The following ZSWIM6 variants were observed in gnomAD, a reference collection of about 807,000 sequenced individuals.
ZSWIM6 encodes the protein zinc finger SWIM-type containing 6.
Under a neutral mutation model 113.2 loss-of-function variants are expected in ZSWIM6, and 9 were observed. The ratio of observed to expected loss-of-function variants is 0.08; its 90% confidence interval spans 0.05 to 0.14. The LOEUF is 0.14. Ranked by LOEUF, ZSWIM6 falls within the 10% of genes least tolerant of loss-of-function variation. The pLI is 1.00. For synonymous variants in ZSWIM6, 611 were observed against 606.5 expected (o/e 1.01, Z -0.11); for missense variants, 1,162 against 1,552.2 (o/e 0.75, Z 4.22).
intron 1 of ZSWIM6, among the ~76,000 whole-genome samples, chr5:61,410,607 G>A (rs1009463376): frequency 1.3e-5 from 2 of 151,948 alleles, no homozygotes; most frequent in African/African-American, 4.8e-5. Context: ...CGTGCCCGGC[G>A]ATTTATTTCC....
At chr5:61,434,362 G>T (rs986225090) in intron 1 of ZSWIM6, among the ~76,000 whole-genome samples, 4 of 151,638 alleles carry the variant, frequency 2.6e-5, no homozygotes, top group African/African-American at 9.7e-5. Flanking sequence ...AAGTTCTTTA[G>T]TGGTGATTTC....
At chr5:61,397,278 T>C (rs1204183938) in intron 1 of ZSWIM6, among the ~76,000 whole-genome samples, 1 of 152,252 alleles carries the variant, frequency 6.6e-6, no homozygotes, top group Admixed American at 6.5e-5. Context: ...AATGTTTTTA[T>C]GTAATCAAAA....
At chr5:61,506,353 C>T (rs867890829) in intron 4 of ZSWIM6, among the ~76,000 whole-genome samples, 14 of 152,108 alleles carry the variant, frequency 9.2e-5, no homozygotes, top group African/African-American at 3.1e-4. Context: ...GAGGCCGAGG[C>T]GGGTGGATTA....
At chr5:61,332,988 C>T (rs1337485216) in intron 1 of ZSWIM6, 40 bp downstream of exon 1, 32 of 1,055,700 alleles carry the variant, frequency 3.0e-5, no homozygotes, top group Non-Finnish European at 3.4e-5. Context: ...GTCCGTCCGT[C>T]AGTCCCTGGG....
At chr5:61,473,154 G>T in intron 2 of ZSWIM6, 117 bp downstream of exon 2, 1 of 639,772 alleles carries the variant, frequency 1.6e-6, no homozygotes, top group Non-Finnish European at 2.4e-6. Context: ...ATTGCTCTTA[G>T]TTGGTCAAAA....
rs1029467329 is a variant in ZSWIM6, at chr5:61,544,015, C to T, written c.3346C>T (p.Pro1116Ser). The change falls in exon 14 of 14, where the codon CCT (proline) becomes TCT (serine). Residue 1116 changes from proline to serine, a missense_variant. Physicochemically the swap from Pro to Ser is moderately conservative, Grantham distance 74. Coordinates refer to ENST00000252744, the MANE Select transcript of ZSWIM6 (RefSeq NM_020928.2). Reference sequence around the variant, plus strand: ...TTTGCGCAGATGCACTCTGACCACTCCTGGCATGGTGGGACTTCATGGGAG... The same window carrying T: ...TTTGCGCAGATGCACTCTGACCACTTCTGGCATGGTGGGACTTCATGGGAG... ...DILRRCTLTT[P>S]GMVGLHGRRN... 20 of 1,551,888 alleles carry T rather than the reference C, an allele frequency of 1.3e-5. No homozygotes were observed. The highest frequency in any genetic ancestry group is 5.5e-5 in the African/African-American group (4 of 73,052).
intron 1 of ZSWIM6, among the ~76,000 whole-genome samples, chr5:61,337,285 C>CCA (rs1554028904): frequency 6.0e-5 from 9 of 150,266 alleles, no homozygotes; most frequent in South Asian, 2.1e-4. Flanking sequence ...TCTCCCCCCC[C>CCA]AAAAAAAACA....
intron 1 of ZSWIM6, among the ~76,000 whole-genome samples, chr5:61,339,461 ATT>A (rs1189579082): frequency 3.9e-5 from 6 of 152,116 alleles, no homozygotes; most frequent in Non-Finnish European, 8.8e-5. Context: ...CATGCTTTAT[ATT>A]TTTTTGTGTT....
At chr5:61,413,243 A>G (rs894276164) in intron 1 of ZSWIM6, among the ~76,000 whole-genome samples, 51 of 138,856 alleles carry the variant, frequency 3.7e-4, no homozygotes, top group African/African-American at 1.3e-3. Flanking sequence ...TCATTGTTCA[A>G]TTGCCATCTA....
chr5:61,354,953 A>G (rs1209298390), intron 1 of ZSWIM6, among the ~76,000 whole-genome samples: 1 of 152,226 alleles, frequency 6.6e-6, no homozygotes, highest in Non-Finnish European at 1.5e-5. Context: ...TAGTCTATTT[A>G]GATTTTTAAT....
intron 1 of ZSWIM6, among the ~76,000 whole-genome samples, chr5:61,374,880 C>T (rs915721809): frequency 2.0e-5 from 3 of 152,070 alleles, no homozygotes; most frequent in African/African-American, 7.2e-5. Flanking sequence ...GGTAAATAAG[C>T]TCCCTAAATT....
intron 1 of ZSWIM6, among the ~76,000 whole-genome samples, chr5:61,342,753 A>T (rs1019295029): frequency 6.6e-6 from 1 of 152,344 alleles, no homozygotes; most frequent in Admixed American, 6.5e-5. Flanking sequence ...ATTTAAAAAA[A>T]TTTTGGTTGT....
intron 1 of ZSWIM6, among the ~76,000 whole-genome samples, chr5:61,395,253 T>C (rs761602889): frequency 6.6e-6 from 1 of 152,092 alleles, no homozygotes; most frequent in Non-Finnish European, 1.5e-5. Flanking sequence ...CTTATCTAGG[T>C]GGTCCAACTT....
intron 6 of ZSWIM6, 87 bp downstream of exon 6, chr5:61,526,063 G>T: frequency 6.7e-7 from 1 of 1,482,366 alleles, no homozygotes; most frequent in Non-Finnish European, 9.1e-7. Flanking sequence ...GTGGAGAACT[G>T]AAGGATTCAA....
chr5:61,362,701 C>T (rs1745055712), intron 1 of ZSWIM6, among the ~76,000 whole-genome samples: 1 of 152,118 alleles, frequency 6.6e-6, no homozygotes, highest in African/African-American at 2.4e-5. Flanking sequence ...TTAGATTATG[C>T]CAATTATCCC....
chr5:61,429,885 G>A (rs1389459414), intron 1 of ZSWIM6, among the ~76,000 whole-genome samples: 1 of 152,152 alleles, frequency 6.6e-6, no homozygotes, highest in Non-Finnish European at 1.5e-5. Context: ...GTACAGAGGG[G>A]CAGATCTGCA....
intron 1 of ZSWIM6, among the ~76,000 whole-genome samples, chr5:61,339,368 G>A (rs1250722196): frequency 6.6e-6 from 1 of 152,028 alleles, no homozygotes; most frequent in Admixed American, 6.6e-5. Flanking sequence ...AGCCGAGATT[G>A]TACCACTGTA....
chr5:61,446,855 CAT>C (rs1482062081), intron 1 of ZSWIM6, among the ~76,000 whole-genome samples: 1 of 152,178 alleles, frequency 6.6e-6, no homozygotes, highest in Non-Finnish European at 1.5e-5. Flanking sequence ...CACACACACA[CAT>C]GCACACAGAA....
At chr5:61,502,554 A>G (rs1748501131) in intron 4 of ZSWIM6, among the ~76,000 whole-genome samples, 1 of 152,144 alleles carries the variant, frequency 6.6e-6, no homozygotes, top group African/African-American at 2.4e-5. Flanking sequence ...CGATATTATA[A>G]ATGCATGCTT....
Sources: allele counts gnomAD v4.1 joint callset (sites outside exome capture counted in the v4.1 genomes callset), GRCh38; gene constraint gnomAD v4.1.1; transcripts MANE v1.5; gene names NCBI Gene and HGNC (gene_info 2026-07-23, HGNC 2026-07-21).